Variants in TBCK observed in about 807,000 individuals in gnomAD.
TBCK encodes TBC domain-containing protein kinase-like protein.
A neutral mutation model predicts 113.4 loss-of-function variants in TBCK; 99 were observed. That is an observed-to-expected ratio of 0.87 (90% confidence interval 0.74 to 1.03). The LOEUF (loss-of-function observed/expected upper bound fraction) is 1.03. Ranked by LOEUF, TBCK falls within the 50% of genes least tolerant of loss-of-function variation. TBCK has a pLI of 0.00. For missense variants in TBCK, 1,045 were observed against 1,061.3 expected, an observed-to-expected ratio of 0.98 and a Z score of 0.21; for synonymous variants, 369 against 370.8, an observed-to-expected ratio of 1.00 and a Z score of 0.05.
At chr4:106,254,768 G>A (rs559679724) in intron 5 of TBCK, among the ~76,000 whole-genome samples, 11 of 151,976 alleles carry the variant, frequency 7.2e-5, no homozygotes, top group East Asian at 5.8e-4. Flanking sequence ...AGTGCCAGCC[G>A]TATACTAAAT....
At chr4:106,178,957 A>G (rs763008003) in intron 22 of TBCK, among the ~76,000 whole-genome samples, 6 of 151,780 alleles carry the variant, frequency 4.0e-5, no homozygotes, top group Non-Finnish European at 7.4e-5. Context: ...TCATGGTTCA[A>G]TCCTGCTAAG....
intron 25 of TBCK, among the ~76,000 whole-genome samples, chr4:106,089,268 T>C (rs1478941000): frequency 1.3e-5 from 2 of 151,926 alleles, no homozygotes; most frequent in Non-Finnish European, 2.9e-5. Flanking sequence ...TCACATGAAT[T>C]AGCAGAGCAA....
At chr4:106,051,660 G>A (rs922169718) in intron 25 of TBCK, among the ~76,000 whole-genome samples, 4 of 151,836 alleles carry the variant, frequency 2.6e-5, no homozygotes, top group Non-Finnish European at 5.9e-5. Flanking sequence ...CCATGGCTAG[G>A]CTGATGCTTC....
chr4:106,183,822 A>G (rs1217630622), intron 22 of TBCK, among the ~76,000 whole-genome samples: 1 of 152,058 alleles, frequency 6.6e-6, no homozygotes, highest in Admixed American at 6.6e-5. Flanking sequence ...CACTTACTGC[A>G]GTTTAGTCTC....
At chr4:106,288,426 A>G (rs1765342581) in intron 3 of TBCK, among the ~76,000 whole-genome samples, 1 of 152,184 alleles carries the variant, frequency 6.6e-6, no homozygotes, top group Admixed American at 6.5e-5. Flanking sequence ...TATAATTTAC[A>G]TAGGTAAAAT....
chr4:106,067,817 T>C (rs1272817235), intron 25 of TBCK, among the ~76,000 whole-genome samples: 1 of 152,200 alleles, frequency 6.6e-6, no homozygotes, highest in African/African-American at 2.4e-5. Flanking sequence ...TGAGGGTTTA[T>C]TTCTGGGCTC....
chr4:106,076,243 A>G (rs1261562936), intron 25 of TBCK, among the ~76,000 whole-genome samples: 1 of 152,176 alleles, frequency 6.6e-6, no homozygotes, highest in Admixed American at 6.5e-5. Flanking sequence ...AGTGTATGGC[A>G]TCCATGACTG....
At chr4:106,056,875 T>G (rs563029553) in intron 25 of TBCK, among the ~76,000 whole-genome samples, 1 of 151,926 alleles carries the variant, frequency 6.6e-6, no homozygotes, top group Middle Eastern at 3.4e-3. Flanking sequence ...TACATTTTGA[T>G]AATAGTTAAG....
chr4:106,079,515 T>C (rs1738613977), intron 25 of TBCK, among the ~76,000 whole-genome samples: 1 of 152,146 alleles, frequency 6.6e-6, no homozygotes, highest in African/African-American at 2.4e-5. Context: ...CTATATATCA[T>C]TAGCATTCAA....
intron 23 of TBCK, among the ~76,000 whole-genome samples, chr4:106,170,334 A>G (rs140709334): frequency 3.3e-5 from 5 of 152,146 alleles, no homozygotes; most frequent in African/African-American, 1.2e-4. Flanking sequence ...TTTCATATAT[A>G]TATTCATTTA....
At chr4:106,209,482 GAATT>G (rs1755889233) in intron 20 of TBCK, among the ~76,000 whole-genome samples, 1 of 151,912 alleles carries the variant, frequency 6.6e-6, no homozygotes, top group Non-Finnish European at 1.5e-5. Context: ...ACCTTAATAA[GAATT>G]ATTTCTTAGA....
chr4:106,124,406 C>A (rs1417664456), intron 23 of TBCK, among the ~76,000 whole-genome samples: 1 of 152,192 alleles, frequency 6.6e-6, no homozygotes, highest in Non-Finnish European at 1.5e-5. Flanking sequence ...GTTGGTGGAA[C>A]TGTAAACTAG....
intron 3 of TBCK, 115 bp from the exon 4 acceptor site, chr4:106,262,327 C>T: frequency 1.8e-6 from 1 of 544,674 alleles, no homozygotes; most frequent in Non-Finnish European, 3.2e-6. Flanking sequence ...TATTGCTCCT[C>T]TTTTATTCTG....
chr4:106,165,411 A>T (rs1750248853), intron 23 of TBCK, among the ~76,000 whole-genome samples: 1 of 151,742 alleles, frequency 6.6e-6, no homozygotes, highest in Non-Finnish European at 1.5e-5. Flanking sequence ...AACTGAATTT[A>T]CTGAGGTAAA....
intron 5 of TBCK, chr4:106,254,886 A>G (rs1264890920): frequency 6.6e-6 from 1 of 152,022 alleles, no homozygotes; most frequent in Non-Finnish European, 1.5e-5. Context: ...ATATTTTTAT[A>G]TAAAATATAT....
rs755334915 is a variant in TBCK at position 106,116,405 on chromosome 4, AT to A, written c.2236-28del. 1.6e-5 allele frequency: 25 copies of A among 1,567,990 alleles called. 1 individual carries two copies. Among genetic ancestry groups the A allele is most frequent in the South Asian group, 1.5e-4 (13 of 87,516 alleles). On this transcript the variant is annotated intron_variant, in intron 23 of 25. Transcript: ENST00000394708. ...TGAAAAAAAAAATGTACAAAAAAAA[AT>A]ATTGAGAATATTATAGAAAAACAAA...
At chr4:106,272,399 A>C (rs1405903541) in intron 3 of TBCK, among the ~76,000 whole-genome samples, 1 of 152,082 alleles carries the variant, frequency 6.6e-6, no homozygotes, top group Admixed American at 6.6e-5. Flanking sequence ...AGAACTCATC[A>C]ACTTAATTTC....
In TBCK at chr4:106,247,299, T is replaced by C; in HGVS notation, c.783-12A>G. The C allele has an allele frequency of 6.2e-7, 1 of 1,609,358 alleles. No homozygotes were observed. ...GATCTGGGGTTGGCCTTGAGAACAT[T>C]TAAAATACAGAGCATGAATGAAAGT... On this transcript the variant is annotated splice_polypyrimidine_tract_variant and intron_variant, in intron 9 of 25. Coordinates refer to ENST00000394708, the MANE Select transcript of TBCK (RefSeq NM_001163435.3).
At chr4:106,212,895 T>C (rs1159933523) in intron 19 of TBCK, 60 bp from the exon 20 acceptor site, 6 of 1,024,178 alleles carry the variant, frequency 5.9e-6, no homozygotes, top group Non-Finnish European at 9.0e-6. Flanking sequence ...GAACATTATA[T>C]TCAAATATAG....
Sources: gnomAD v4.1 joint callset for allele counts (sites outside exome capture counted in the v4.1 genomes callset) on GRCh38, gnomAD v4.1.1 for gene constraint, MANE v1.5 for transcripts, NCBI Gene and HGNC (gene_info 2026-07-23, HGNC 2026-07-21) for gene names.